The following CSMD3 variants were observed in gnomAD, a reference collection of about 807,000 sequenced individuals.
CSMD3 encodes CUB and Sushi multiple domains 3, also known as CUB and sushi domain-containing protein 3.
CSMD3 carries 177 observed loss-of-function variants against 435.2 expected under a neutral mutation model. The ratio of observed to expected loss-of-function variants is 0.41; its 90% CI spans 0.36 to 0.46. CSMD3 has a LOEUF of 0.46. CSMD3 is among the 20% of genes least tolerant of loss of function. The pLI, the probability that CSMD3 is intolerant of heterozygous loss-of-function variation, is 0.34. For synonymous variants in CSMD3, 1,656 were observed against 1,520.5 expected, an observed-to-expected ratio of 1.09 and a Z score of -2.07; for missense variants, 4,265 against 4,504.6, an observed-to-expected ratio of 0.95 and a Z score of 1.52.
At chr8:112,279,552 T>G (rs1818429688) in intron 59 of CSMD3, among the ~76,000 whole-genome samples, 1 of 152,168 alleles carries the variant, frequency 6.6e-6, no homozygotes, top group Admixed American at 6.5e-5. Flanking sequence ...TTACAATAGT[T>G]AATACAGCCC....
chr8:112,897,486 G>T (rs2081980100), intron 10 of CSMD3, among the ~76,000 whole-genome samples: 1 of 151,206 alleles, frequency 6.6e-6, no homozygotes, highest in African/African-American at 2.4e-5. Context: ...ATTTGTTCCT[G>T]CCCTATTGAT....
chr8:112,360,304 G>T (rs1205784180), intron 38 of CSMD3, among the ~76,000 whole-genome samples: 3 of 151,890 alleles, frequency 2.0e-5, no homozygotes, highest in Non-Finnish European at 4.4e-5. Context: ...AAATCCAGTA[G>T]CGACAGTTTC....
chr8:113,358,974 ATATAG>A (rs1159629983), intron 1 of CSMD3, among the ~76,000 whole-genome samples: 1 of 152,172 alleles, frequency 6.6e-6, no homozygotes, highest in Non-Finnish European at 1.5e-5. Context: ...TAAAAAATAT[ATATAG>A]TAAAGTTGAT....
intron 42 of CSMD3, 65 bp downstream of exon 42, chr8:112,341,412 A>T: frequency 9.5e-7 from 1 of 1,057,892 alleles, no homozygotes; most frequent in South Asian, 1.3e-5. Flanking sequence ...AATTAGACTC[A>T]GTTAAATATT....
chr8:113,262,745 A>G (rs1292771302), intron 3 of CSMD3, among the ~76,000 whole-genome samples: 1 of 152,068 alleles, frequency 6.6e-6, no homozygotes, highest in Non-Finnish European at 1.5e-5. Flanking sequence ...TAGAGTCATC[A>G]ATAATACAAT....
chr8:112,923,035 C>A (rs2082794882), intron 9 of CSMD3, among the ~76,000 whole-genome samples: 1 of 152,140 alleles, frequency 6.6e-6, no homozygotes, highest in Admixed American at 6.6e-5. Flanking sequence ...TTGCATTTCA[C>A]AAGCACTCCA....
At chr8:112,572,431 C>T (rs1829606200) in intron 24 of CSMD3, among the ~76,000 whole-genome samples, 1 of 152,002 alleles carries the variant, frequency 6.6e-6, no homozygotes, top group Non-Finnish European at 1.5e-5. Flanking sequence ...ATTGTATTCT[C>T]TTGTCTACTA....
chr8:112,969,185 T>C (rs1195599807), intron 7 of CSMD3, among the ~76,000 whole-genome samples: 2 of 152,002 alleles, frequency 1.3e-5, no homozygotes, highest in African/African-American at 2.4e-5. Context: ...ATATTAAATC[T>C]GTATGATTGT....
intron 50 of CSMD3, among the ~76,000 whole-genome samples, chr8:112,306,467 G>A (rs546177901): frequency 8.1e-4 from 123 of 152,156 alleles, no homozygotes; most frequent in African/African-American, 2.2e-3. Flanking sequence ...CATGTGCATG[G>A]TTATCAGCAT....
rs1438548537 is a variant in CSMD3, at chr8:112,318,781, A to G, written c.7360+56T>C. 3.4e-6 allele frequency: 4 copies of G among 1,167,108 alleles called. No homozygotes were observed. In the African/African-American group the frequency reaches 4.6e-5, roughly 13 times the overall value. 72.3% of individuals were successfully genotyped at this position (1,167,108 alleles called of 1,614,324 possible). ...ATTTTTCTCAATCATACCTATATTAAGTTAAACATAAAGCAAATATTTAAG... is the reference window on the plus strand; with the variant it reads ...ATTTTTCTCAATCATACCTATATTAGGTTAAACATAAAGCAAATATTTAAG... On this transcript the variant is annotated intron_variant, in intron 47 of 70. Coordinates refer to ENST00000297405, the MANE Select transcript of CSMD3 (RefSeq NM_198123.2).
chr8:113,345,008 T>C (rs935105082), intron 1 of CSMD3, among the ~76,000 whole-genome samples: 3 of 152,068 alleles, frequency 2.0e-5, no homozygotes, highest in African/African-American at 7.2e-5. Flanking sequence ...GGACCTCACT[T>C]TCATACTGTT....
At chr8:112,348,734 T>C (rs745368603) in intron 40 of CSMD3, among the ~76,000 whole-genome samples, 24 of 152,120 alleles carry the variant, frequency 1.6e-4, no homozygotes, top group Non-Finnish European at 3.4e-4. Flanking sequence ...CCAACTTTAC[T>C]AAAAATACAA....
At chr8:113,126,455 A>G (rs539337761) in intron 4 of CSMD3, among the ~76,000 whole-genome samples, 2 of 152,132 alleles carry the variant, frequency 1.3e-5, no homozygotes, top group African/African-American at 2.4e-5. Flanking sequence ...AAGGATATCT[A>G]TATTTAAACA....
intron 22 of CSMD3, among the ~76,000 whole-genome samples, chr8:112,610,104 T>A (rs1047058536): frequency 1.5e-4 from 23 of 152,056 alleles, no homozygotes; most frequent in Non-Finnish European, 2.6e-4. Context: ...CACAGCATGA[T>A]TACTATAGTT....
chr8:112,577,571 A>G (rs1039666418), intron 23 of CSMD3, among the ~76,000 whole-genome samples: 4 of 152,084 alleles, frequency 2.6e-5, no homozygotes, highest in African/African-American at 9.7e-5. Context: ...GATTAATATC[A>G]TGAAAGTTAT....
intron 13 of CSMD3, among the ~76,000 whole-genome samples, chr8:112,777,283 A>G (rs1305117942): frequency 6.6e-6 from 1 of 151,888 alleles, no homozygotes; most frequent in South Asian, 2.1e-4. Flanking sequence ...AAAGAAAAGT[A>G]GTATGTTTAA....
rs550263143 is a variant in CSMD3 at position 112,740,217 on chromosome 8, G to A, written c.1973-50167C>T. 6.5e-4 allele frequency among the ~76,000 whole-genome samples: 99 copies of A among 151,584 alleles called. 1 individual carries two copies. Among genetic ancestry groups the A allele is most frequent in the Middle Eastern group, 3.4e-3 (1 of 294 alleles). On this transcript the variant is annotated intron_variant, in intron 13 of 70. Transcript: ENST00000297405. ...AAAAAATTTTAAAATATTTATTTCC[G>A]TCAATATATACTGCCAAGTCTATTT...
chr8:112,513,208 G>A (rs1053232584), intron 28 of CSMD3, among the ~76,000 whole-genome samples: 2 of 152,170 alleles, frequency 1.3e-5, no homozygotes, highest in African/African-American at 2.4e-5. Context: ...CAGAACATGG[G>A]TAACTATTTG....
At chr8:112,499,939 T>A (rs1297288062) in intron 30 of CSMD3, among the ~76,000 whole-genome samples, 2 of 151,900 alleles carry the variant, frequency 1.3e-5, no homozygotes, top group African/African-American at 4.8e-5. Flanking sequence ...TGAAACCCCG[T>A]CTCTACTAAA....
Sources: gnomAD v4.1 joint callset for allele counts (sites outside exome capture counted in the v4.1 genomes callset) on GRCh38, gnomAD v4.1.1 for gene constraint, MANE v1.5 for transcripts, NCBI Gene and HGNC (gene_info 2026-07-23, HGNC 2026-07-21) for gene names.